The following EDDM13 variants were observed in gnomAD, a reference collection of about 807,000 sequenced individuals.
EDDM13 encodes epididymal protein 13.
EDDM13 carries 24 observed loss-of-function variants against 17.8 expected under a neutral mutation model. The observed-to-expected ratio is 1.35, with a 90% confidence interval of 0.98 to 1.90. The LOEUF (loss-of-function observed/expected upper bound fraction) is 1.90, where lower values mean the gene tolerates loss of function less well. Among genes scored for constraint, EDDM13 ranks in the 40% most tolerant of loss-of-function variants. The pLI is 0.00. For missense variants in EDDM13, 97 were observed against 100.8 expected (o/e 0.96, Z 0.16); for synonymous variants, 31 against 37.5 (o/e 0.83, Z 0.63).
intron 14 of EDDM13, 40 bp downstream of exon 14, chr19:56,304,870 G>C: frequency 3.3e-6 from 3 of 896,250 alleles, no homozygotes; most frequent in Non-Finnish European, 4.0e-6. Context: ...CCACCGCTGG[G>C]GTGGGGTTAG....
At chr19:56,291,741 T>G (rs1300864328) in intron 9 of EDDM13, among the ~76,000 whole-genome samples, 1 of 149,120 alleles carries the variant, frequency 6.7e-6, no homozygotes, top group Non-Finnish European at 1.5e-5. Context: ...TTTGACCATC[T>G]TTTTTTTTTA....
intron 9 of EDDM13, among the ~76,000 whole-genome samples, chr19:56,293,521 G>C (rs1348737913): frequency 6.6e-6 from 1 of 152,244 alleles, no homozygotes; most frequent in Non-Finnish European, 1.5e-5. Context: ...CTGGCAGAGA[G>C]TGTGCACTGT....
chr19:56,308,660 A>AT (rs1043985466), intron 14 of EDDM13, among the ~76,000 whole-genome samples: 7 of 145,110 alleles, frequency 4.8e-5, no homozygotes, highest in Admixed American at 2.1e-4. Flanking sequence ...AAAACATCAC[A>AT]TTTTTTTTCC....
At chr19:56,286,947 T>A (rs911727853) in intron 6 of EDDM13, among the ~76,000 whole-genome samples, 4 of 152,268 alleles carry the variant, frequency 2.6e-5, no homozygotes, top group African/African-American at 9.6e-5. Flanking sequence ...GTCTGTTTTC[T>A]TCCCGGTAAA....
At chr19:56,292,058 C>T (rs768504906) in intron 9 of EDDM13, among the ~76,000 whole-genome samples, 3 of 152,120 alleles carry the variant, frequency 2.0e-5, no homozygotes, top group Non-Finnish European at 4.4e-5. Flanking sequence ...CCAGTGGTGA[C>T]GGTGGGTTAC....
intron 6 of EDDM13, among the ~76,000 whole-genome samples, chr19:56,285,884 C>T (rs1390754017): frequency 6.6e-6 from 1 of 152,140 alleles, no homozygotes; most frequent in Admixed American, 6.5e-5. Flanking sequence ...CTGTTAAGTT[C>T]CTAAAAGGGA....
chr19:56,284,459 GAAAC>G (rs2147093860), intron 5 of EDDM13, among the ~76,000 whole-genome samples: 1 of 150,262 alleles, frequency 6.7e-6, no homozygotes, highest in Admixed American at 6.7e-5. Flanking sequence ...AGTCTGGTGG[GAAAC>G]AGAGATAAGT....
At chr19:56,310,074 G>C (rs1191730794) in intron 14 of EDDM13, 50 bp from the exon 15 acceptor site, 2 of 152,378 alleles carry the variant, frequency 1.3e-5, no homozygotes, top group Admixed American at 6.5e-5. Flanking sequence ...GTATGAGAAT[G>C]CATGAAGACG....
intron 8 of EDDM13, among the ~76,000 whole-genome samples, chr19:56,290,140 G>C (rs1243684997): frequency 6.6e-6 from 1 of 152,216 alleles, no homozygotes; most frequent in African/African-American, 2.4e-5. Flanking sequence ...TTCTGCATGA[G>C]AATACCAAGG....
intron 2 of EDDM13, among the ~76,000 whole-genome samples, chr19:56,276,471 A>G (rs1244126034): frequency 6.6e-6 from 1 of 151,104 alleles, no homozygotes. Flanking sequence ...GGGCCACTGA[A>G]CACGCGAAAA....
intron 14 of EDDM13, among the ~76,000 whole-genome samples, chr19:56,307,119 C>T (rs2040738818): frequency 9.1e-6 from 1 of 109,504 alleles, no homozygotes; most frequent in Admixed American, 9.9e-5. Flanking sequence ...CAAAGAGGCT[C>T]CTCCCTGGCC....
chr19:56,292,985 A>C (rs537937009), intron 9 of EDDM13, among the ~76,000 whole-genome samples: 6 of 152,122 alleles, frequency 3.9e-5, no homozygotes, highest in Non-Finnish European at 8.8e-5. Flanking sequence ...TTTTGGGTTG[A>C]TTCTACCTTT....
At chr19:56,293,043 AC>A (rs1163617734) in intron 9 of EDDM13, among the ~76,000 whole-genome samples, 1 of 151,816 alleles carries the variant, frequency 6.6e-6, no homozygotes, top group East Asian at 1.9e-4. Flanking sequence ...AGCCATCTAA[AC>A]CCCAGTTCTG....
intron 2 of EDDM13, among the ~76,000 whole-genome samples, chr19:56,276,475 G>T (rs1441170626): frequency 6.8e-6 from 1 of 147,672 alleles, no homozygotes; most frequent in Non-Finnish European, 1.5e-5. Flanking sequence ...CACTGAACAC[G>T]CGAAAAAAAT....
intron 5 of EDDM13, 117 bp from the exon 6 acceptor site, chr19:56,284,881 A>T: frequency 3.0e-6 from 1 of 329,662 alleles, no homozygotes; most frequent in Non-Finnish European, 4.3e-6. Flanking sequence ...CTGAGGCATT[A>T]TAGCCACACT....
intron 2 of EDDM13, among the ~76,000 whole-genome samples, chr19:56,281,393 T>C (rs755185253): frequency 3.9e-4 from 60 of 152,138 alleles, no homozygotes; most frequent in Non-Finnish European, 7.9e-4. Context: ...TTTATATAAA[T>C]ATATATCTGT....
At chr19:56,300,324 C>G (rs1330916125) in intron 12 of EDDM13, among the ~76,000 whole-genome samples, 5 of 152,164 alleles carry the variant, frequency 3.3e-5, no homozygotes, top group Non-Finnish European at 5.9e-5. Flanking sequence ...AGTTAAAGAA[C>G]TTGACAGCTC....
intron 14 of EDDM13, among the ~76,000 whole-genome samples, chr19:56,307,221 C>A (rs963189723): frequency 1.3e-5 from 2 of 152,190 alleles, no homozygotes; most frequent in Admixed American, 1.3e-4. Flanking sequence ...GCCTCTCCCA[C>A]GTCGCCTGCC....
chr19:56,296,855 G>A (rs964157021), intron 11 of EDDM13, among the ~76,000 whole-genome samples: 7 of 152,230 alleles, frequency 4.6e-5, no homozygotes, highest in Admixed American at 2.6e-4. Context: ...CCAACATGGT[G>A]AAACTCCGTC....
Sources: gnomAD v4.1 joint callset for allele counts (sites outside exome capture counted in the v4.1 genomes callset) on GRCh38, gnomAD v4.1.1 for gene constraint, MANE v1.5 for transcripts, NCBI Gene and HGNC (gene_info 2026-07-23, HGNC 2026-07-21) for gene names.